Variants in STXBP5L observed in about 807,000 individuals in gnomAD.
STXBP5L encodes the protein syntaxin-binding protein 5-like.
A neutral mutation model predicts 144.5 loss-of-function variants in STXBP5L; 65 were observed. The observed-to-expected ratio is 0.45, with a 90% CI of 0.37 to 0.55. STXBP5L has a LOEUF of 0.55. Among genes scored for constraint, STXBP5L ranks in the 20% least tolerant of loss-of-function variants. STXBP5L has a pLI of 0.00. For synonymous variants in STXBP5L, 505 were observed against 469.6 expected, an observed-to-expected ratio of 1.08 and a Z score of -0.97; for missense variants, 1,298 against 1,405.5, an observed-to-expected ratio of 0.92 and a Z score of 1.22.
intron 5 of STXBP5L, among the ~76,000 whole-genome samples, chr3:121,110,419 C>T (rs2043925625): frequency 1.3e-5 from 2 of 152,110 alleles, no homozygotes; most frequent in Admixed American, 6.5e-5. Flanking sequence ...CAAGATGGGC[C>T]TGGTGGTGAC....
chr3:121,329,715 GC>G (rs2044261414), intron 20 of STXBP5L, among the ~76,000 whole-genome samples: 1 of 152,056 alleles, frequency 6.6e-6, no homozygotes, highest in Admixed American at 6.5e-5. Context: ...ACAAAAATTA[GC>G]CAGGCATGGT....
At chr3:121,006,230 G>T (rs141155545) in intron 3 of STXBP5L, among the ~76,000 whole-genome samples, 1,826 of 152,282 alleles carry the variant, frequency 0.012, 29 homozygotes, top group African/African-American at 0.042. Flanking sequence ...GTGAATCTGG[G>T]TGCCCCTGTA....
intron 5 of STXBP5L, among the ~76,000 whole-genome samples, chr3:121,082,993 T>C (rs1223428818): frequency 6.6e-6 from 1 of 151,878 alleles, no homozygotes; most frequent in African/African-American, 2.4e-5. Flanking sequence ...GGTCAAGAGA[T>C]CAAGACATCC....
intron 19 of STXBP5L, among the ~76,000 whole-genome samples, chr3:121,310,964 A>G (rs980438777): frequency 6.6e-6 from 1 of 152,194 alleles, no homozygotes; most frequent in South Asian, 2.1e-4. Context: ...ACTGAAAGAA[A>G]ATATTCACAA....
At chr3:121,313,615 C>CA (rs1354961449) in intron 19 of STXBP5L, among the ~76,000 whole-genome samples, 1 of 102,928 alleles carries the variant, frequency 9.7e-6, no homozygotes, top group East Asian at 3.5e-4. Context: ...GACCCCCCCC[C>CA]CCGCCTCCCT....
At chr3:121,100,617 G>C (rs2043369874) in intron 5 of STXBP5L, among the ~76,000 whole-genome samples, 1 of 152,038 alleles carries the variant, frequency 6.6e-6, no homozygotes, top group Admixed American at 6.6e-5. Flanking sequence ...AAAGTTTATA[G>C]TACTAAATGC....
chr3:121,174,167 T>C (rs1403325690), intron 9 of STXBP5L, among the ~76,000 whole-genome samples: 1 of 152,158 alleles, frequency 6.6e-6, no homozygotes, highest in Non-Finnish European at 1.5e-5. Context: ...TATGGTTTAA[T>C]ACTGCATCTT....
At chr3:120,908,838 A>G (rs186585331) in intron 1 of STXBP5L, among the ~76,000 whole-genome samples, 3 of 138,014 alleles carry the variant, frequency 2.2e-5, no homozygotes, top group Non-Finnish European at 4.7e-5. Flanking sequence ...AGAGGGGGGA[A>G]AGAGGACGCG....
At chr3:121,337,495 A>G (rs1022541587) in intron 20 of STXBP5L, among the ~76,000 whole-genome samples, 1 of 151,726 alleles carries the variant, frequency 6.6e-6, no homozygotes, top group Non-Finnish European at 1.5e-5. Flanking sequence ...AATCCCCAGC[A>G]AGAAGATATT....
chr3:121,095,911 G>C (rs1331827408), intron 5 of STXBP5L, among the ~76,000 whole-genome samples: 1 of 152,058 alleles, frequency 6.6e-6, no homozygotes, highest in African/African-American at 2.4e-5. Context: ...CCCCATCTTT[G>C]TGATTTTATC....
intron 3 of STXBP5L, among the ~76,000 whole-genome samples, chr3:121,006,097 T>G (rs1327270301): frequency 1.3e-5 from 2 of 152,196 alleles, no homozygotes; most frequent in Non-Finnish European, 2.9e-5. Flanking sequence ...GTTCAATTCC[T>G]GGGTATCCTT....
chr3:121,167,776 T>G (rs112378935), intron 9 of STXBP5L, among the ~76,000 whole-genome samples: 3,483 of 152,318 alleles, frequency 0.023, 124 homozygotes, highest in African/African-American at 0.077. Flanking sequence ...TAAACATCCC[T>G]GCCTGCTGAC....
chr3:120,921,924 T>C (rs1709376951), intron 2 of STXBP5L, among the ~76,000 whole-genome samples: 1 of 152,002 alleles, frequency 6.6e-6, no homozygotes, highest in African/African-American at 2.4e-5. Flanking sequence ...GTTGTTTTGC[T>C]CAGGGTTTCT....
chr3:121,349,870 T>C (rs1560006358), intron 20 of STXBP5L, among the ~76,000 whole-genome samples: 1 of 152,092 alleles, frequency 6.6e-6, no homozygotes, highest in African/African-American at 2.4e-5. Flanking sequence ...GTGAGATGGG[T>C]TTCCTGAATA....
At chr3:120,966,849 G>A (rs999953512) in intron 3 of STXBP5L, among the ~76,000 whole-genome samples, 3 of 152,266 alleles carry the variant, frequency 2.0e-5, no homozygotes, top group South Asian at 2.1e-4. Context: ...AGACAGGGGC[G>A]TTTAAGTCTG....
intron 5 of STXBP5L, 38 bp downstream of exon 5, chr3:121,045,573 A>G (rs749332110): frequency 1.9e-6 from 3 of 1,566,680 alleles, no homozygotes; most frequent in Non-Finnish European, 2.6e-6. Flanking sequence ...TTAATGTACA[A>G]CAAAATTATT....
At chr3:121,191,782 G>T (rs2047695955) in intron 9 of STXBP5L, among the ~76,000 whole-genome samples, 1 of 152,166 alleles carries the variant, frequency 6.6e-6, no homozygotes, top group Non-Finnish European at 1.5e-5. Context: ...AAAAGGATGA[G>T]TTCTTGTCCT....
In STXBP5L at chr3:121,200,589, C is replaced by A. The variant is rs72966200; in HGVS notation, c.878-5334C>A. Among the ~76,000 whole-genome samples, 379 of 152,062 alleles carry A rather than the reference C, an allele frequency of 2.5e-3. 2 individuals are homozygous for A. Among genetic ancestry groups the A allele is most frequent in the African/African-American group, 8.6e-3 (356 of 41,466 alleles). ...TGATGTTAGTGTGTTGATTTTTTAT[C>A]TTTCTTGCTTTCTGATGTGAGCATT... On this transcript the variant is annotated intron_variant, in intron 9 of 26. Transcript: ENST00000471454.
intron 19 of STXBP5L, among the ~76,000 whole-genome samples, chr3:121,281,908 A>T (rs980354096): frequency 6.6e-6 from 1 of 151,840 alleles, no homozygotes; most frequent in Non-Finnish European, 1.5e-5. Context: ...AATAATTTAT[A>T]CATATTAGTT....
Sources: allele counts gnomAD v4.1 joint callset (sites outside exome capture counted in the v4.1 genomes callset), GRCh38; gene constraint gnomAD v4.1.1; transcripts MANE v1.5; gene names NCBI Gene and HGNC (gene_info 2026-07-23, HGNC 2026-07-21).